The following SOX5 variants were observed in gnomAD, a reference collection of about 807,000 sequenced individuals.
SOX5 encodes the protein SRY-box transcription factor 5.
A neutral mutation model predicts 92.0 loss-of-function variants in SOX5; 9 were observed. That is an observed-to-expected ratio of 0.10 (90% CI 0.06 to 0.17). The LOEUF (loss-of-function observed/expected upper bound fraction) is 0.17. SOX5 is among the 10% of genes least tolerant of loss of function. The pLI is 1.00. For synonymous variants in SOX5, 344 were observed against 336.3 expected (o/e 1.02, Z -0.25); for missense variants, 642 against 944.5 (o/e 0.68, Z 4.20).
chr12:24,399,192 A>C (rs58456191), intron 1 of SOX5, among the ~76,000 whole-genome samples: 8,591 of 152,130 alleles, frequency 0.056, 790 homozygotes, highest in African/African-American at 0.19. Context: ...TACAAAAAAA[A>C]AACCAAACAA....
At chr12:24,228,334 T>A (rs1454360876) in intron 3 of SOX5, among the ~76,000 whole-genome samples, 1 of 152,150 alleles carries the variant, frequency 6.6e-6, no homozygotes, top group Non-Finnish European at 1.5e-5. Context: ...AAATATCTGG[T>A]TTCTCTCTAT....
intron 2 of SOX5, among the ~76,000 whole-genome samples, chr12:23,880,203 T>G (rs2096972558): frequency 6.6e-6 from 1 of 152,162 alleles, no homozygotes; most frequent in South Asian, 2.1e-4. Flanking sequence ...TTCAGGGGGT[T>G]CACAGGTTTC....
chr12:24,535,033 A>G (rs946100851), intron 1 of SOX5, among the ~76,000 whole-genome samples: 2 of 152,222 alleles, frequency 1.3e-5, no homozygotes, highest in African/African-American at 4.8e-5. Flanking sequence ...ACCAGGTACA[A>G]CAACCAGACC....
intron 1 of SOX5, among the ~76,000 whole-genome samples, chr12:24,483,071 A>G (rs993380568): frequency 4.6e-5 from 7 of 152,250 alleles, no homozygotes; most frequent in Admixed American, 1.3e-4. Context: ...CTCAGTTACA[A>G]TGATACTTAT....
intron 8 of SOX5, among the ~76,000 whole-genome samples, chr12:23,631,930 AG>A (rs2078590868): frequency 6.6e-6 from 1 of 152,124 alleles, no homozygotes; most frequent in Non-Finnish European, 1.5e-5. Flanking sequence ...TAACTATGGA[AG>A]CAGTTCCTAA....
chr12:23,744,276 T>C (rs1050719788), intron 4 of SOX5, among the ~76,000 whole-genome samples: 1 of 152,210 alleles, frequency 6.6e-6, no homozygotes, highest in African/African-American at 2.4e-5. Context: ...TTACAGATTT[T>C]AACCTCCTGA....
chr12:23,546,409 C>T lies in SOX5; in HGVS notation c.1504G>A (p.Glu502Lys). Residue 502 changes from glutamate (E) to lysine (K), a missense_variant, in exon 12 of 15, where the codon GAG becomes AAG. Physicochemically the swap from Glu to Lys is moderately conservative, Grantham distance 56. Transcript: ENST00000451604. ...CRTEKEKTTL[E>K]SLTQQLAVKQ... ...ACTGCCAGTTGCTGAGTCAGACTCT[C>T]CAGTGTTGTTTTTTCCTTTAAAAAA... is the stretch of plus-strand genomic sequence containing the variant. 1 of 1,600,336 alleles carries T rather than the reference C, an allele frequency of 6.2e-7. No individual in the cohort carries two copies. Among genetic ancestry groups the T allele is most frequent in the Non-Finnish European group, 8.6e-7 (1 of 1,169,074 alleles).
At chr12:23,662,188 G>A (rs368087644) in intron 7 of SOX5, among the ~76,000 whole-genome samples, 2 of 151,784 alleles carry the variant, frequency 1.3e-5, no homozygotes, top group African/African-American at 2.4e-5. Context: ...GAGAGAGAAA[G>A]GATTTGATTC....
chr12:23,792,659 A>AAAAAC lies in SOX5; in HGVS notation c.482-36936_482-36935insGTTTT, dbSNP rs2095496767. On this transcript the variant is annotated intron_variant, in intron 3 of 14. Transcript: ENST00000451604. ...AAAAAAAAAAAAAAAAAAAAAAAAAAAAACTTGGACAAAGCACTGCGATAT... is the reference window on the plus strand; with the variant it reads ...AAAAAAAAAAAAAAAAAAAAAAAAAAAAAACAAACTTGGACAAAGCACTGCGATAT... Among the ~76,000 whole-genome samples the AAAAAC allele has an allele frequency of 1.8e-4, 24 of 132,554 alleles. 1 individual carries two copies. Among genetic ancestry groups the AAAAAC allele is most frequent in the African/African-American group, 6.5e-4 (24 of 36,674 alleles). The allele number at this position is 132,554 out of a possible 152,430, so 87.0% of individuals were successfully genotyped here.
intron 4 of SOX5, among the ~76,000 whole-genome samples, chr12:24,130,385 T>C (rs755013974): frequency 6.6e-6 from 1 of 152,180 alleles, no homozygotes; most frequent in African/African-American, 2.4e-5. Context: ...CTCAAAACAA[T>C]CTGCTTATAG....
At chr12:24,061,305 G>A (rs1212688046) in intron 4 of SOX5, among the ~76,000 whole-genome samples, 1 of 152,100 alleles carries the variant, frequency 6.6e-6, no homozygotes, top group East Asian at 1.9e-4. Context: ...GACACCAAAA[G>A]TCAGCCTCCC....
intron 3 of SOX5, among the ~76,000 whole-genome samples, chr12:24,222,591 G>A (rs1360793982): frequency 2.0e-5 from 3 of 152,166 alleles, no homozygotes; most frequent in African/African-American, 7.2e-5. Context: ...CCATGTAAAA[G>A]CGATATATCT....
chr12:24,328,755 T>C (rs1950976474), intron 2 of SOX5, among the ~76,000 whole-genome samples: 1 of 152,242 alleles, frequency 6.6e-6, no homozygotes, highest in Non-Finnish European at 1.5e-5. Context: ...ACTACCTTTA[T>C]TATTATCATC....
chr12:23,759,030 GACAC>G lies in SOX5; in HGVS notation c.482-3310_482-3307del, dbSNP rs61575999. ...CACAAAACACACACACACACACACA[GACAC>G]ACACACACACACACACACACACACA... is the stretch of plus-strand genomic sequence containing the variant. On this transcript the variant is annotated intron_variant, in intron 3 of 14. Transcript: ENST00000451604. Among the ~76,000 whole-genome samples the G allele has an allele frequency of 2.6e-3, 374 of 146,320 alleles. 2 individuals are homozygous for G. The highest frequency in any genetic ancestry group is 4.1e-3 in the South Asian group (19 of 4,642).
At chr12:23,552,350 A>C (rs1395146056) in intron 11 of SOX5, among the ~76,000 whole-genome samples, 2 of 151,800 alleles carry the variant, frequency 1.3e-5, no homozygotes, top group Non-Finnish European at 3.0e-5. Context: ...TTCTTTTTTA[A>C]TAGGTGTTGG....
chr12:23,970,841 A>ATATATTTTTTT lies in SOX5; in HGVS notation c.-1-74818_-1-74817insAAAAAAATATA. Among the ~76,000 whole-genome samples, 30 of 21,880 alleles carry ATATATTTTTTT rather than the reference A, an allele frequency of 1.4e-3. 3 individuals carry two copies. The highest frequency in any genetic ancestry group is 4.6e-3 in the Admixed American group (6 of 1,292). 14.4% of individuals were successfully genotyped at this position (21,880 alleles called of 152,430 possible). A position where few individuals can be genotyped will look rare whatever the true frequency, so the allele number is the denominator to read the frequency against. On this transcript the variant is annotated intron_variant, in intron 4 of 4. Transcript: ENST00000446891. ...ACATGGGACTTTATATATATATATAATTTTTTTTTTTTTTTAAGAAATGGG... is the reference window on the plus strand; with the variant it reads ...ACATGGGACTTTATATATATATATAATATATTTTTTTTTTTTTTTTTTTTTTAAGAAATGGG...
At chr12:24,344,357 A>G (rs983879557) in intron 2 of SOX5, among the ~76,000 whole-genome samples, 1 of 150,716 alleles carries the variant, frequency 6.6e-6, no homozygotes, top group Non-Finnish European at 1.5e-5. Flanking sequence ...TAAGTTCCTT[A>G]TCCTTTCCAT....
At chr12:23,952,308 G>A (rs769071956), upstream of SOX5, among the ~76,000 whole-genome samples, 32 of 152,116 alleles carry the variant, frequency 2.1e-4, no homozygotes, top group Non-Finnish European at 3.5e-4. Flanking sequence ...GCTGAGATCC[G>A]TATGGTCCCA....
At chr12:23,967,408 T>A (rs1417730781) in intron 4 of SOX5, among the ~76,000 whole-genome samples, 1 of 152,058 alleles carries the variant, frequency 6.6e-6, no homozygotes, top group African/African-American at 2.4e-5. Flanking sequence ...CAAAATATTT[T>A]AAGTTATTTC....
Sources: gnomAD v4.1 joint callset for allele counts (sites outside exome capture counted in the v4.1 genomes callset) on GRCh38, gnomAD v4.1.1 for gene constraint, MANE v1.5 for transcripts, NCBI Gene and HGNC (gene_info 2026-07-23, HGNC 2026-07-21) for gene names.